Variants in SPDEF observed in about 807,000 individuals in gnomAD.
SPDEF encodes the protein SAM pointed domain containing ETS transcription factor, also known as SAM pointed domain-containing Ets transcription factor.
In SPDEF, 12 loss-of-function variants were observed where a neutral mutation model predicts 36.0. That is an observed-to-expected ratio of 0.33 (90% CI 0.21 to 0.54). The LOEUF (loss-of-function observed/expected upper bound fraction) is 0.54. Ranked by LOEUF, SPDEF falls within the 20% of genes least tolerant of loss-of-function variation. SPDEF has a pLI of 0.93. For missense variants in SPDEF, 388 were observed against 456.9 expected, an observed-to-expected ratio of 0.85 and a Z score of 1.37; for synonymous variants, 205 against 193.0, an observed-to-expected ratio of 1.06 and a Z score of -0.51.
chr6:34,553,243 T>G (rs144122364), intron 1 of SPDEF, among the ~76,000 whole-genome samples: 1,710 of 152,208 alleles, frequency 0.011, 43 homozygotes, highest in East Asian at 0.096. Context: ...GAGAGCAGAA[T>G]CTGGCAGGGG....
In SPDEF at chr6:34,541,006, G is replaced by A; in HGVS notation, c.612C>T (p.Ala204=). The change falls in exon 3 of 6, where the codon GCC becomes GCT. Residue 204 remains alanine (A), a synonymous_variant. Transcript: ENST00000374037. ...RSPLGGDVLH[A]HLDIWKSAAW... is the part of the protein sequence containing the mutation. Reference sequence around the variant, plus strand: ...TACCTGACTTCCAGATGTCCAGGTGGGCGTGCAGCACATCCCCACCCAGGG... The same window carrying A: ...TACCTGACTTCCAGATGTCCAGGTGAGCGTGCAGCACATCCCCACCCAGGG... 6.2e-7 allele frequency: 1 copy of A among 1,611,446 alleles called. No homozygotes were observed. Among genetic ancestry groups the A allele is most frequent in the Non-Finnish European group, 8.5e-7 (1 of 1,179,614 alleles).
At chr6:34,548,874 T>C (rs1768004037) in intron 1 of SPDEF, among the ~76,000 whole-genome samples, 1 of 152,160 alleles carries the variant, frequency 6.6e-6, no homozygotes, top group Non-Finnish European at 1.5e-5. Context: ...CCATCAGTGA[T>C]GGTCCACCCA....
rs1705478659 is a variant in SPDEF, at chr6:34,538,042, C to A, written c.*232G>T. On this transcript the variant is annotated 3_prime_UTR_variant, in exon 6 of 6. Coordinates refer to ENST00000374037, the MANE Select transcript of SPDEF (RefSeq NM_012391.3). This position sits in a 1 kb window ranked among gnomAD's most constrained non-coding sequence, Gnocchi z 5.9. ...GGGAGCAGCCCTGTCTCCCTCTGTCCTCCAGGGGAGCAGCTGGGCCTGAGG... is the reference window on the plus strand; with the variant it reads ...GGGAGCAGCCCTGTCTCCCTCTGTCATCCAGGGGAGCAGCTGGGCCTGAGG... 2.0e-6 allele frequency: 1 copy of A among 511,918 alleles called. No individual in the cohort carries two copies. The highest frequency in any genetic ancestry group is 1.9e-5 in the African/African-American group (1 of 52,852). The allele number at this position is 511,918 out of a possible 1,614,324, so 31.7% of individuals were successfully genotyped here.
At position 34,552,137 on chromosome 6, in the gene SPDEF, G is replaced by T. The variant is rs931222267; in HGVS notation, c.-30+3792C>A. ...GGCTGCCCCTCTCTGGCACAGTCTC[G>T]TCCTCACCCCCAAATCGCCGGTACA... On this transcript the variant is annotated intron_variant, in intron 1 of 5. Coordinates refer to ENST00000374037, the MANE Select transcript of SPDEF (RefSeq NM_012391.3). This position sits in a 1 kb window ranked among gnomAD's most constrained non-coding sequence, Gnocchi z 4.6. 6.6e-6 allele frequency among the ~76,000 whole-genome samples: 1 copy of T among 151,884 alleles called. No homozygotes were observed. The highest frequency in any genetic ancestry group is 6.6e-5 in the Admixed American group (1 of 15,240).
chr6:34,542,588 A>G (rs868784552), intron 2 of SPDEF, among the ~76,000 whole-genome samples: 2 of 152,248 alleles, frequency 1.3e-5, no homozygotes, highest in African/African-American at 2.4e-5. Context: ...AAGGCTTGGC[A>G]TATTAGGAAC....
chr6:34,547,940 G>A (rs985298361), intron 1 of SPDEF, among the ~76,000 whole-genome samples: 10 of 152,210 alleles, frequency 6.6e-5, no homozygotes, highest in African/African-American at 2.4e-4. Flanking sequence ...GGGTGGTGGG[G>A]AATGCTCCGT....
At chr6:34,549,613 G>A (rs548050339) in intron 1 of SPDEF, among the ~76,000 whole-genome samples, 4 of 152,304 alleles carry the variant, frequency 2.6e-5, no homozygotes, top group African/African-American at 9.6e-5. Flanking sequence ...GTCGCTGTGC[G>A]GGTTGGAGCC....
At position 34,552,800 on chromosome 6, in the gene SPDEF, T is replaced by C. The variant is rs1019371770; in HGVS notation, c.-30+3129A>G. On this transcript the variant is annotated intron_variant, in intron 1 of 5. Coordinates refer to ENST00000374037, the MANE Select transcript of SPDEF (RefSeq NM_012391.3). This position sits in a 1 kb window ranked among gnomAD's most constrained non-coding sequence, Gnocchi z 4.6. Reference sequence around the variant, plus strand: ...TTGCTTCAAACAAGGTTGAGATGGGTGGGAGTGGGTTATTAAGGGGTTATC... The same window carrying C: ...TTGCTTCAAACAAGGTTGAGATGGGCGGGAGTGGGTTATTAAGGGGTTATC... 6.6e-6 allele frequency among the ~76,000 whole-genome samples: 1 copy of C among 151,866 alleles called. No homozygotes were observed. Among genetic ancestry groups the C allele is most frequent in the African/African-American group, 2.4e-5 (1 of 41,314 alleles).
In SPDEF at chr6:34,538,032, T is replaced by A; in HGVS notation, c.*242A>T. The A allele has an allele frequency of 2.1e-6, 1 of 486,094 alleles. No individual in the cohort carries two copies. The highest frequency in any genetic ancestry group is 3.7e-6 in the Non-Finnish European group (1 of 270,246). 30.1% of individuals were successfully genotyped at this position (486,094 alleles called of 1,614,324 possible). On this transcript the variant is annotated 3_prime_UTR_variant, in exon 6 of 6. Transcript: ENST00000374037. This position sits in a 1 kb window ranked among gnomAD's most constrained non-coding sequence, Gnocchi z 5.9. ...GCAGGTGTTGGGGAGCAGCCCTGTC[T>A]CCCTCTGTCCTCCAGGGGAGCAGCT...
rs1767744811 is a variant in SPDEF at position 34,538,579 on chromosome 6, G to GGTGGGGCGGGGT, written c.830-139_830-128dup. ...CCGTGCAGAGGCCTCCCCCTGCTCG[G>GGTGGGGCGGGGT]GTGGGGCGGGGTGTGGGGGCCCAAA... On this transcript the variant is annotated intron_variant, in intron 5 of 5. Transcript: ENST00000374037. The surrounding 1 kb of genome is among the most constrained non-coding windows in gnomAD (Gnocchi z 5.9). 2 of 911,114 alleles carry GGTGGGGCGGGGT rather than the reference G, an allele frequency of 2.2e-6. No individual in the cohort carries two copies. The allele number at this position is 911,114 out of a possible 1,614,324, so 56.4% of individuals were successfully genotyped here. A position where few individuals can be genotyped will look rare whatever the true frequency, so the allele number is the denominator to read the frequency against.
intron 1 of SPDEF, among the ~76,000 whole-genome samples, chr6:34,549,457 T>A (rs112188406): frequency 8.5e-5 from 13 of 152,296 alleles, no homozygotes; most frequent in African/African-American, 3.1e-4. Flanking sequence ...CCCTCGGGGC[T>A]AGAAATGTGC....
rs2233634 is a variant in SPDEF at position 34,544,536 on chromosome 6, G to A, written c.-29-52C>T. ...TTGACTGCTTCTCCATCCCTGTGGG[G>A]GCCGCTAAGCTGGTTATGGGGATGA... On this transcript the variant is annotated intron_variant, in intron 1 of 5. Transcript: ENST00000374037. This position sits in a 1 kb window ranked among gnomAD's most constrained non-coding sequence, Gnocchi z 4.4. 2.4e-3 allele frequency: 3,329 copies of A among 1,393,236 alleles called. 66 individuals carry two copies. The African/African-American group carries it at 0.043, about 18-fold the overall frequency. The allele number at this position is 1,393,236 out of a possible 1,614,324, so 86.3% of individuals were successfully genotyped here.
chr6:34,543,833 G>C (rs558793839), intron 2 of SPDEF, among the ~76,000 whole-genome samples, 187 bp downstream of exon 2: 1 of 152,344 alleles, frequency 6.6e-6, no homozygotes, highest in South Asian at 2.1e-4. Flanking sequence ...GGACACTAGA[G>C]GTGGACAGAA....
At chr6:34,540,526 T>C (rs1282247400) in intron 3 of SPDEF, among the ~76,000 whole-genome samples, 1 of 151,752 alleles carries the variant, frequency 6.6e-6, no homozygotes, top group Non-Finnish European at 1.5e-5. Flanking sequence ...AGGGAGGGGA[T>C]TGGAAGCTGG....
In SPDEF at chr6:34,550,814, C is replaced by A. The variant is rs189175774; in HGVS notation, c.-30+5115G>T. Among the ~76,000 whole-genome samples the A allele has an allele frequency of 2.6e-5, 4 of 152,138 alleles. No homozygotes were observed. In the East Asian group the frequency reaches 7.7e-4, roughly 29 times the overall value. ...TAGCAGGAAGACGGGGCACTGGAAG[C>A]CAAAGTGGAGCGCCAGGGGAACCCA... On this transcript the variant is annotated intron_variant, in intron 1 of 5. Coordinates refer to ENST00000374037, the MANE Select transcript of SPDEF (RefSeq NM_012391.3).
intron 2 of SPDEF, among the ~76,000 whole-genome samples, chr6:34,542,144 C>T (rs1319409604): frequency 6.6e-6 from 1 of 152,170 alleles, no homozygotes; most frequent in Non-Finnish European, 1.5e-5. Context: ...CTTGGGGCAT[C>T]GGCAGGAGCA....
rs548850036 is a variant in SPDEF at position 34,539,180 on chromosome 6, G to A, written c.829+70C>T. On this transcript the variant is annotated intron_variant, in intron 5 of 5. Transcript: ENST00000374037. This position sits in a 1 kb window ranked among gnomAD's most constrained non-coding sequence, Gnocchi z 5.2. ...CTGCCCGCCCCTGCCCCCATGCACC[G>A]TGCCTGGCAGAAGCCCCCACAACCT... 40 of 1,572,112 alleles carry A rather than the reference G, an allele frequency of 2.5e-5. No homozygotes were observed. In the South Asian group the frequency reaches 2.8e-4, roughly 11 times the overall value.
At chr6:34,543,861 T>G (rs1767881709) in intron 2 of SPDEF, among the ~76,000 whole-genome samples, 159 bp downstream of exon 2, 1 of 152,178 alleles carries the variant, frequency 6.6e-6, no homozygotes, top group Non-Finnish European at 1.5e-5. Flanking sequence ...TGGCCCAGGC[T>G]CACAGCTGAC....
At position 34,538,140 on chromosome 6, in the gene SPDEF, TC is replaced by T; in HGVS notation, c.*133del. On this transcript the variant is annotated 3_prime_UTR_variant, in exon 6 of 6. Coordinates refer to ENST00000374037, the MANE Select transcript of SPDEF (RefSeq NM_012391.3). This position sits in a 1 kb window ranked among gnomAD's most constrained non-coding sequence, Gnocchi z 5.9. ...TCCCCCTGGGGCAGTTGGTTGCCCCTCCCTGACCTTGGGCTCTGGAAGGTCA... is the reference window on the plus strand; with the variant it reads ...TCCCCCTGGGGCAGTTGGTTGCCCCTCCTGACCTTGGGCTCTGGAAGGTCA... 2 of 1,016,586 alleles carry T rather than the reference TC, an allele frequency of 2.0e-6. No homozygotes were observed. Among genetic ancestry groups the T allele is most frequent in the Non-Finnish European group, 1.4e-6 (1 of 703,418 alleles). 63.0% of individuals were successfully genotyped at this position (1,016,586 alleles called of 1,614,324 possible).
Sources: allele counts gnomAD v4.1 joint callset (sites outside exome capture counted in the v4.1 genomes callset), GRCh38; gene constraint gnomAD v4.1.1; non-coding constraint Gnocchi (gnomAD v3.1); transcripts MANE v1.5; gene names NCBI Gene and HGNC (gene_info 2026-07-23, HGNC 2026-07-21).